Variants in CNOT10 observed in about 807,000 individuals in gnomAD.
The protein encoded by CNOT10 is CCR4-NOT transcription complex subunit 10, also known as CCR4-NOT transcription complex, subunit 10.
In CNOT10, 30 loss-of-function variants were observed where a neutral mutation model predicts 94.6. The observed-to-expected ratio is 0.32, with a 90% CI of 0.24 to 0.43. The LOEUF is 0.43. Ranked by LOEUF, CNOT10 falls within the 20% of genes least tolerant of loss-of-function variation. The pLI is 1.00. For synonymous variants in CNOT10, 289 were observed against 301.6 expected, an observed-to-expected ratio of 0.96 and a Z score of 0.43; for missense variants, 759 against 877.2, an observed-to-expected ratio of 0.87 and a Z score of 1.70.
intron 15 of CNOT10, 160 bp from the exon 16 acceptor site, chr3:32,764,295 C>T (rs1223002050): frequency 1.4e-5 from 9 of 654,010 alleles, no homozygotes; most frequent in Middle Eastern, 2.8e-4. Context: ...CGAGATCATG[C>T]CCCTGCACTC....
intron 13 of CNOT10, among the ~76,000 whole-genome samples, chr3:32,749,451 C>G (rs1447893006): frequency 6.8e-6 from 1 of 145,998 alleles, no homozygotes; most frequent in African/African-American, 2.6e-5. Flanking sequence ...CTCTTATTGC[C>G]CAGGCCAGAG....
In CNOT10 at chr3:32,713,331, A is replaced by G. The variant is rs1364405797; in HGVS notation, c.535A>G (p.Ile179Val). 2 of 1,604,104 alleles carry G rather than the reference A, an allele frequency of 1.2e-6. No homozygotes were observed. The highest frequency in any genetic ancestry group is 2.3e-5 in the South Asian group (2 of 88,766). The part of the protein sequence containing the change: ...LHLLAVLEKM[I>V]SQGNNNKNGK... ...TCTTCTTGCTGTCCTAGAAAAAATGATTTCACAGGGTAACAATAACAAAAA... is the reference window on the plus strand; with the variant it reads ...TCTTCTTGCTGTCCTAGAAAAAATGGTTTCACAGGGTAACAATAACAAAAA... Residue 179 changes from isoleucine (I) to valine (V), a missense_variant, in exon 5 of 19, where the codon ATT becomes GTT. This residue lies in a region of CNOT10 where 682 missense variants were observed against 799.4 expected (regional missense o/e 0.85). Transcript: ENST00000328834.
intron 1 of CNOT10, among the ~76,000 whole-genome samples, chr3:32,694,565 ATTG>A (rs1330567845): frequency 6.6e-6 from 1 of 151,942 alleles, no homozygotes; most frequent in Admixed American, 6.6e-5. Context: ...GCATGCTGAT[ATTG>A]TTTTTTCTTC....
At chr3:32,753,703 A>G in intron 13 of CNOT10, 1 of 1,589,690 alleles carries the variant, frequency 6.3e-7, no homozygotes. Context: ...AGAAGAAAAT[A>G]ATGAAAAGTT....
intron 13 of CNOT10, among the ~76,000 whole-genome samples, chr3:32,749,585 T>C (rs1699868041): frequency 6.6e-6 from 1 of 151,930 alleles, no homozygotes; most frequent in South Asian, 2.1e-4. Context: ...TAATTTTGTA[T>C]TTTTAGTAGA....
intron 1 of CNOT10, among the ~76,000 whole-genome samples, chr3:32,696,924 A>C (rs1010586359): frequency 1.3e-5 from 2 of 151,212 alleles, no homozygotes; most frequent in East Asian, 3.9e-4. Context: ...TTTCTGGAGA[A>C]TTTTAGGAGA....
Position 32,703,966 on chromosome 3 carries a change from A to G in CNOT10, c.117+4A>G. On this transcript the variant is annotated splice_donor_region_variant and intron_variant, in intron 2 of 18. Transcript: ENST00000328834. ...CAATGCTTTCCAAGCTTTCACAGTA[A>G]GAAATGGCTTCTCTTAGTCTGCTCA... The G allele has an allele frequency of 6.3e-7, 1 of 1,591,080 alleles. No homozygotes were observed. Among genetic ancestry groups the G allele is most frequent in the Non-Finnish European group, 8.6e-7 (1 of 1,159,248 alleles).
rs376161971 is a variant in CNOT10, at chr3:32,713,271, T to C, written c.475T>C (p.Tyr159His). 20 of 1,592,580 alleles carry C rather than the reference T, an allele frequency of 1.3e-5. No homozygotes were observed. The highest frequency in any genetic ancestry group is 1.6e-5 in the Non-Finnish European group (19 of 1,174,650). The change falls in exon 5 of 19, where the codon TAT (tyrosine) becomes CAT (histidine). Residue 159 changes from tyrosine to histidine, a missense_variant. Physicochemically the swap from Tyr to His is moderately conservative, Grantham distance 83. Transcript: ENST00000328834. ...AGTGTGTTTTTTGCTTGTAGACCTG[T>C]ATATATTAACCTACCAAGCTGAGAA... ...QAVCFLLVDLYILTYQAEKAL... is the reference protein window; with the variant it reads ...QAVCFLLVDLHILTYQAEKAL...
At chr3:32,719,290 C>T (rs1324737938) in intron 7 of CNOT10, among the ~76,000 whole-genome samples, 1 of 151,148 alleles carries the variant, frequency 6.6e-6, no homozygotes, top group Non-Finnish European at 1.5e-5. Flanking sequence ...CATGGTGGCG[C>T]ATGCCTGTAA....
intron 13 of CNOT10, among the ~76,000 whole-genome samples, chr3:32,754,401 T>C (rs1393396878): frequency 1.7e-4 from 21 of 124,372 alleles, no homozygotes; most frequent in African/African-American, 5.7e-4. Context: ...GGCATGAACC[T>C]GGGAGGCGGA....
At position 32,703,917 on chromosome 3, in the gene CNOT10, T is replaced by C. The variant is rs756985576; in HGVS notation, c.72T>C (p.Thr24=). 1.2e-5 allele frequency: 20 copies of C among 1,613,840 alleles called. No homozygotes were observed. The East Asian group carries it at 4.0e-4, about 32-fold the overall frequency. The part of the protein sequence containing the change: ...HEGTGQSSGI[T]DQEKELSTNA... ...GCACAGGTCAGTCCTCTGGGATCAC[T>C]GATCAAGAGAAGGAGTTATCCACCA... Residue 24 remains threonine (T), a synonymous_variant, in exon 2 of 19, where the codon ACT becomes ACC. Transcript: ENST00000328834.
At chr3:32,771,159 T>G (rs1700886608) in intron 18 of CNOT10, among the ~76,000 whole-genome samples, 1 of 151,690 alleles carries the variant, frequency 6.6e-6, no homozygotes, top group African/African-American at 2.4e-5. Flanking sequence ...AAACCCCATC[T>G]CTACAAAAAA....
chr3:32,736,589 A>G (rs1371548931), intron 12 of CNOT10, among the ~76,000 whole-genome samples: 1 of 152,158 alleles, frequency 6.6e-6, no homozygotes, highest in African/African-American at 2.4e-5. Flanking sequence ...AGCCTGTCCA[A>G]CATAATGAGA....
chr3:32,685,548 G>A (rs1696559190), intron 1 of CNOT10, 66 bp downstream of exon 1: 18 of 1,533,384 alleles, frequency 1.2e-5, no homozygotes, highest in Non-Finnish European at 1.4e-5. Flanking sequence ...CCCTGAACTC[G>A]GAGGCGGCGG....
rs111735084 is a variant in CNOT10, at chr3:32,703,653, G to A, written c.23-215G>A. On this transcript the variant is annotated intron_variant, in intron 1 of 18. Transcript: ENST00000328834. ...AAGGAATGATTGACTTCCTGGATGG[G>A]ACAGAGCGGGACACTGCAGGATGGC... The A allele has an allele frequency of 5.7e-3, 2,457 of 433,346 alleles. 14 individuals are homozygous for A. The highest frequency in any genetic ancestry group is 8.7e-3 in the Non-Finnish European group (2,094 of 239,730). The allele number at this position is 433,346 out of a possible 1,614,324, so 26.8% of individuals were successfully genotyped here.
At position 32,737,505 on chromosome 3, in the gene CNOT10, A is replaced by C. The variant is rs1457350270; in HGVS notation, c.1595+15A>C. ...GAAAACTTAAAGTGAGTATCTAAAC[A>C]AAATTAGCATTGCATCTATTGAAAT... On this transcript the variant is annotated intron_variant, in intron 13 of 18. Coordinates refer to ENST00000328834, the MANE Select transcript of CNOT10 (RefSeq NM_015442.3). 6.1e-6 allele frequency: 9 copies of C among 1,486,938 alleles called. No homozygotes were observed. The highest frequency in any genetic ancestry group is 8.4e-6 in the Non-Finnish European group (9 of 1,065,550). 92.1% of individuals were successfully genotyped at this position (1,486,938 alleles called of 1,614,324 possible). A position where few individuals can be genotyped will look rare whatever the true frequency, so the allele number is the denominator to read the frequency against.
At chr3:32,728,989 G>A (rs1187949454) in intron 10 of CNOT10, among the ~76,000 whole-genome samples, 2 of 152,088 alleles carry the variant, frequency 1.3e-5, no homozygotes, top group African/African-American at 2.4e-5. Context: ...CCAGCTACTC[G>A]GGAGGGTGAG....
intron 1 of CNOT10, 147 bp downstream of exon 1, chr3:32,685,629 C>A: frequency 3.5e-6 from 3 of 864,846 alleles, no homozygotes; most frequent in South Asian, 1.6e-5. Flanking sequence ...TCTGTCTCGG[C>A]TGTCGCTAAC....
intron 13 of CNOT10, among the ~76,000 whole-genome samples, chr3:32,749,448 T>C (rs1699862759): frequency 6.7e-6 from 1 of 148,830 alleles, no homozygotes; most frequent in Non-Finnish European, 1.5e-5. Flanking sequence ...TTGCTCTTAT[T>C]GCCCAGGCCA....
Sources: allele counts gnomAD v4.1 joint callset (sites outside exome capture counted in the v4.1 genomes callset), GRCh38; gene constraint gnomAD v4.1.1; regional missense constraint gnomAD v4.1.1; transcripts MANE v1.5; gene names NCBI Gene and HGNC (gene_info 2026-07-23, HGNC 2026-07-21).